The following R3HDM1 variants were observed in gnomAD, a reference collection of about 807,000 sequenced individuals.
The protein encoded by R3HDM1 is R3H domain-containing protein 1.
In R3HDM1, 46 loss-of-function variants were observed where a neutral mutation model predicts 141.1. The observed-to-expected ratio is 0.33, with a 90% confidence interval of 0.26 to 0.42. The LOEUF is 0.42. Ranked by LOEUF, R3HDM1 falls within the 10% of genes least tolerant of loss-of-function variation. The probability of loss-of-function intolerance (pLI) is 1.00; values close to 1 mark genes in which losing one functional copy is unlikely to be tolerated. For synonymous variants in R3HDM1, 435 were observed against 472.9 expected, an observed-to-expected ratio of 0.92 and a Z score of 1.04; for missense variants, 1,184 against 1,368.3, an observed-to-expected ratio of 0.87 and a Z score of 2.12.
chr2:135,577,173 CA>C, intron 1 of R3HDM1: 1 of 983,124 alleles, frequency 1.0e-6, no homozygotes, highest in Non-Finnish European at 1.2e-6. Context: ...GGCTATGACT[CA>C]AAATGCAGAG....
intron 1 of R3HDM1, among the ~76,000 whole-genome samples, chr2:135,557,636 T>C (rs1559118197): frequency 6.6e-6 from 1 of 152,210 alleles, no homozygotes; most frequent in African/African-American, 2.4e-5. Context: ...CCGATAGCAG[T>C]GAGCCAGTGG....
intron 1 of R3HDM1, among the ~76,000 whole-genome samples, chr2:135,549,098 C>G (rs1674597419): frequency 6.6e-6 from 1 of 152,144 alleles, no homozygotes; most frequent in Admixed American, 6.5e-5. Context: ...ACCTTTCTAA[C>G]TCTTAATTGA....
rs576682598 is a variant in R3HDM1, at chr2:135,620,988, G to A, written c.304-506G>A. Among the ~76,000 whole-genome samples, 28 of 152,114 alleles carry A rather than the reference G, an allele frequency of 1.8e-4. 1 individual carries two copies. The South Asian group carries it at 2.7e-3, about 15-fold the overall frequency. ...CAAAAAGGAAATAAAGCTGTGTGCC[G>A]TTGATTTTGGAAATGTTTGTACTTA... On this transcript the variant is annotated intron_variant, in intron 5 of 26. Coordinates refer to ENST00000683871, the MANE Select transcript of R3HDM1 (RefSeq NM_001378107.1).
At chr2:135,673,847 T>G (rs1019999291) in intron 19 of R3HDM1, among the ~76,000 whole-genome samples, 1 of 152,230 alleles carries the variant, frequency 6.6e-6, no homozygotes, top group East Asian at 1.9e-4. Context: ...TGGTTTTTTG[T>G]TTGGTTGGTT....
chr2:135,687,638 T>C (rs1262964023), intron 21 of R3HDM1, among the ~76,000 whole-genome samples: 1 of 152,222 alleles, frequency 6.6e-6, no homozygotes, highest in Non-Finnish European at 1.5e-5. Context: ...TTTTGGCTCT[T>C]ACTCCCAATT....
At chr2:135,607,180 G>A in intron 3 of R3HDM1, 1 of 256,236 alleles carries the variant, frequency 3.9e-6, no homozygotes. Context: ...GTAGAAACAG[G>A]GTTTCACCAT....
At chr2:135,577,283 G>A (rs1705661832) in intron 1 of R3HDM1, 1 of 919,062 alleles carries the variant, frequency 1.1e-6, no homozygotes, top group African/African-American at 1.8e-5. Flanking sequence ...CTGACAAACT[G>A]GAAGAAAATT....
intron 6 of R3HDM1, 90 bp from the exon 7 acceptor site, chr2:135,622,564 T>TAAC: frequency 7.2e-7 from 1 of 1,386,884 alleles, no homozygotes; most frequent in South Asian, 1.8e-5. Flanking sequence ...CATCTTGTTT[T>TAAC]ATTTAAGATA....
At chr2:135,625,411 C>G (rs1212494761) in intron 7 of R3HDM1, among the ~76,000 whole-genome samples, 1 of 152,108 alleles carries the variant, frequency 6.6e-6, no homozygotes, top group African/African-American at 2.4e-5. Flanking sequence ...CGCCATTGCA[C>G]TCCAGCCTGG....
intron 21 of R3HDM1, among the ~76,000 whole-genome samples, chr2:135,708,743 T>A (rs2075248702): frequency 6.6e-6 from 1 of 152,076 alleles, no homozygotes; most frequent in Non-Finnish European, 1.5e-5. Flanking sequence ...GAGGATCACT[T>A]GAGGTCACGA....
chr2:135,705,279 A>G (rs2074756248), intron 21 of R3HDM1, among the ~76,000 whole-genome samples: 2 of 152,234 alleles, frequency 1.3e-5, no homozygotes, highest in South Asian at 2.1e-4. Context: ...TGTTGATGAA[A>G]GAGCTGAAGT....
intron 21 of R3HDM1, among the ~76,000 whole-genome samples, chr2:135,700,737 A>T (rs1220953640): frequency 3.3e-5 from 5 of 152,236 alleles, no homozygotes; most frequent in African/African-American, 9.6e-5. Context: ...AAATATTTAC[A>T]AAAACATAAA....
intron 1 of R3HDM1, chr2:135,565,711 T>C (rs1702632958): frequency 6.6e-6 from 1 of 152,122 alleles, no homozygotes; most frequent in South Asian, 2.1e-4. Context: ...GACTTGATTT[T>C]CTTTTTTTTT....
chr2:135,571,336 A>AT (rs1704054272), intron 1 of R3HDM1, among the ~76,000 whole-genome samples: 1 of 151,716 alleles, frequency 6.6e-6, no homozygotes, highest in Non-Finnish European at 1.5e-5. Context: ...TCATTTATTT[A>AT]TTTTTTAGAG....
intron 19 of R3HDM1, chr2:135,670,180 TG>T: frequency 1.5e-5 from 4 of 272,576 alleles, no homozygotes; most frequent in Non-Finnish European, 2.2e-5. Context: ...GATTAGCTTG[TG>T]GTATCATTGA....
At chr2:135,669,350 C>G in intron 19 of R3HDM1, 1 of 985,358 alleles carries the variant, frequency 1.0e-6, no homozygotes, top group Non-Finnish European at 1.2e-6. Context: ...AATTTTCACT[C>G]TGATTCCTAT....
intron 22 of R3HDM1, 69 bp from the exon 23 acceptor site, chr2:135,709,990 C>T: frequency 6.9e-7 from 1 of 1,441,866 alleles, no homozygotes; most frequent in East Asian, 2.3e-5. Context: ...TACTGTTATC[C>T]TAGTGTTCAG....
At chr2:135,552,917 C>A (rs1700086403) in intron 1 of R3HDM1, among the ~76,000 whole-genome samples, 1 of 151,996 alleles carries the variant, frequency 6.6e-6, no homozygotes, top group African/African-American at 2.4e-5. Context: ...CACTCTGTTG[C>A]CCAGGCTGAA....
At position 135,675,408 on chromosome 2, in the gene R3HDM1, A is replaced by G. The variant is rs149624809; in HGVS notation, c.2229A>G (p.Leu743=). 2.6e-4 allele frequency: 413 copies of G among 1,613,924 alleles called. No individual in the cohort carries two copies. The highest frequency in any genetic ancestry group is 3.2e-4 in the Non-Finnish European group (378 of 1,179,896). ...TTCAGCAACCCCAGAGTCAGAGCCTAGTCAGTGGCCAACCCAACAGCATTG... is the reference window on the plus strand; with the variant it reads ...TTCAGCAACCCCAGAGTCAGAGCCTGGTCAGTGGCCAACCCAACAGCATTG... ...VGVQQPQSQS[L]VSGQPNSIGN... Residue 743 remains leucine (L), a synonymous_variant, in exon 20 of 27, where the codon CTA becomes CTG. Transcript: ENST00000683871.
Sources: gnomAD v4.1 joint callset for allele counts (sites outside exome capture counted in the v4.1 genomes callset) on GRCh38, gnomAD v4.1.1 for gene constraint, MANE v1.5 for transcripts, NCBI Gene and HGNC (gene_info 2026-07-23, HGNC 2026-07-21) for gene names.